MYOM1: variants seen among roughly 807,000 people sequenced by gnomAD.
The protein encoded by MYOM1 is myomesin 1, also known as myomesin-1.
Under a neutral mutation model 205.3 loss-of-function variants are expected in MYOM1, and 164 were observed. That is an observed-to-expected ratio of 0.80 (90% CI 0.70 to 0.91). The LOEUF is 0.91. Ranked by LOEUF, MYOM1 falls within the 40% of genes least tolerant of loss-of-function variation. The pLI is 0.00. For synonymous variants in MYOM1, 772 were observed against 789.4 expected (o/e 0.98, Z 0.37); for missense variants, 2,011 against 2,127.3 (o/e 0.95, Z 1.08).
intron 13 of MYOM1, among the ~76,000 whole-genome samples, chr18:3,148,874 A>G (rs1359386251): frequency 3.0e-5 from 4 of 134,164 alleles, no homozygotes; most frequent in African/African-American, 5.7e-5. Context: ...AAAAAAAAAG[A>G]AAATGGTGAT....
Position 3,215,073 on chromosome 18 carries a change from A to AGGAGCGGCTGCTGTAGGCCGT in MYOM1, c.130_150dup (p.Thr44_Ser50dup). ...TCGGACTCCCGGCGGTGCGCGGCGG[A>AGGAGCGGCTGCTGTAGGCCGT]GGAGCGGCTGCTGTAGGCCGTGGAG... On this transcript the variant is annotated inframe_insertion, in exon 2 of 38. Coordinates refer to ENST00000356443, the MANE Select transcript of MYOM1 (RefSeq NM_003803.4). 6.2e-7 allele frequency: 1 copy of AGGAGCGGCTGCTGTAGGCCGT among 1,613,640 alleles called. No individual in the cohort carries two copies. The highest frequency in any genetic ancestry group is 1.7e-5 in the Admixed American group (1 of 60,010).
intron 31 of MYOM1, 89 bp from the exon 32 acceptor site, chr18:3,084,116 T>G (rs954356044): frequency 7.1e-5 from 99 of 1,400,086 alleles, no homozygotes; most frequent in Non-Finnish European, 9.8e-5. Flanking sequence ...AAAAATTCCC[T>G]TTCTGGTTGA....
intron 5 of MYOM1, among the ~76,000 whole-genome samples, chr18:3,184,668 T>C (rs1184516975): frequency 6.6e-6 from 1 of 152,244 alleles, no homozygotes; most frequent in Non-Finnish European, 1.5e-5. Flanking sequence ...TTTGTTTTAA[T>C]ATTTATTTTC....
In MYOM1 at chr18:3,166,364, G is replaced by A. The variant is rs370285521; in HGVS notation, c.1340-1925C>T. Reference sequence around the variant, plus strand: ...CAGCTCATTGCAACCTCCGCCTCCCGGGTTCAAGCGATTATAGTGCCTCAG... The same window carrying A: ...CAGCTCATTGCAACCTCCGCCTCCCAGGTTCAAGCGATTATAGTGCCTCAG... On this transcript the variant is annotated intron_variant, in intron 9 of 37. Coordinates refer to ENST00000356443, the MANE Select transcript of MYOM1 (RefSeq NM_003803.4). Among the ~76,000 whole-genome samples, 135 of 150,128 alleles carry A rather than the reference G, an allele frequency of 9.0e-4. 1 individual carries two copies. In the South Asian group the frequency reaches 0.024, roughly 27 times the overall value.
the MYOM1 span, among the ~76,000 whole-genome samples, chr18:3,239,249 G>C: frequency 2.6e-5 from 4 of 152,186 alleles, no homozygotes; most frequent in Non-Finnish European, 5.9e-5. Flanking sequence ...GCTTTCTATA[G>C]GAGCAAGGAG....
intron 1 of MYOM1, chr18:3,216,916 G>C (rs2081274891): frequency 6.6e-6 from 1 of 152,132 alleles, no homozygotes; most frequent in Admixed American, 6.5e-5. Flanking sequence ...TTGGAGATAG[G>C]GTCCTTAAAG....
At chr18:3,244,685 G>C in the MYOM1 span, among the ~76,000 whole-genome samples, 18 of 151,350 alleles carry the variant, frequency 1.2e-4, no homozygotes, top group African/African-American at 4.1e-4. Flanking sequence ...GAGGTCAGGA[G>C]TTGGCAACCA....
At position 3,189,188 on chromosome 18, in the gene MYOM1, T is replaced by C; in HGVS notation, c.432-101A>G. ...GTACCACATCTCAGACACTGTATCCTGCACCAAAAGAAAATCCGACATAGA... is the reference window on the plus strand; with the variant it reads ...GTACCACATCTCAGACACTGTATCCCGCACCAAAAGAAAATCCGACATAGA... On this transcript the variant is annotated intron_variant, in intron 3 of 37. Coordinates refer to ENST00000356443, the MANE Select transcript of MYOM1 (RefSeq NM_003803.4). This position sits in a 1 kb window ranked among gnomAD's most constrained non-coding sequence, Gnocchi z 4.8. The C allele has an allele frequency of 9.0e-7, 1 of 1,113,932 alleles. No individual in the cohort carries two copies. The highest frequency in any genetic ancestry group is 1.6e-5 in the South Asian group (1 of 61,454). The allele number at this position is 1,113,932 out of a possible 1,614,324, so 69.0% of individuals were successfully genotyped here.
intron 22 of MYOM1, among the ~76,000 whole-genome samples, chr18:3,108,219 T>A (rs1430697897): frequency 6.6e-6 from 1 of 152,182 alleles, no homozygotes; most frequent in African/African-American, 2.4e-5. Context: ...TCAATTAAAT[T>A]CTCAACTGCA....
chr18:3,149,264 G>A (rs1306586479), intron 12 of MYOM1, 63 bp from the exon 13 acceptor site: 4 of 1,390,146 alleles, frequency 2.9e-6, no homozygotes, highest in East Asian at 4.6e-5. Flanking sequence ...CAGCTGCACT[G>A]ATGAATTGGG....
In MYOM1 at chr18:3,120,062, G is replaced by A. The variant is rs6506068; in HGVS notation, c.2992-67C>T. The A allele has an allele frequency of 0.8, 1,207,388 of 1,506,420 alleles. 484,988 individuals carry two copies. The highest frequency in any genetic ancestry group is 0.95 in the East Asian group (38,752 of 40,656). 93.3% of individuals were successfully genotyped at this position (1,506,420 alleles called of 1,614,324 possible). ...TTGTTTTTTTTTTTCTACTTGTTGA[G>A]CATTTTATTTATTTACCTTCCATGT... On this transcript the variant is annotated intron_variant, in intron 19 of 37. Coordinates refer to ENST00000356443, the MANE Select transcript of MYOM1 (RefSeq NM_003803.4).
chr18:3,205,847 T>C (rs1329920811), intron 2 of MYOM1, among the ~76,000 whole-genome samples: 1 of 152,160 alleles, frequency 6.6e-6, no homozygotes, highest in Non-Finnish European at 1.5e-5. Flanking sequence ...CTGTAGCAAT[T>C]TCATTTATTT....
At chr18:3,221,763 G>A (rs2081332530), upstream of MYOM1, among the ~76,000 whole-genome samples, 1 of 152,194 alleles carries the variant, frequency 6.6e-6, no homozygotes, top group Admixed American at 6.5e-5. Context: ...TCTGATCCAG[G>A]TACCTGTGAA....
At chr18:3,231,235 T>C in the MYOM1 span, among the ~76,000 whole-genome samples, 1 of 151,930 alleles carries the variant, frequency 6.6e-6, no homozygotes, top group Admixed American at 6.6e-5. Context: ...AAAGACTGAG[T>C]GTCAATACAC....
the MYOM1 span, among the ~76,000 whole-genome samples, chr18:3,242,215 T>G: frequency 1.3e-5 from 2 of 152,156 alleles, no homozygotes; most frequent in Non-Finnish European, 2.9e-5. Context: ...GGATACGGCT[T>G]GGCTCTGTGT....
chr18:3,147,807 G>C (rs747183750), intron 13 of MYOM1, among the ~76,000 whole-genome samples: 1 of 152,130 alleles, frequency 6.6e-6, no homozygotes, highest in Non-Finnish European at 1.5e-5. Context: ...AAGTATGAAC[G>C]ATAGTAATAA....
intron 29 of MYOM1, among the ~76,000 whole-genome samples, chr18:3,087,538 G>A (rs1333544925): frequency 1.3e-5 from 2 of 148,496 alleles, no homozygotes; most frequent in East Asian, 3.9e-4. Flanking sequence ...CACCCAGGCT[G>A]GAGTGCAGTG....
the MYOM1 span, among the ~76,000 whole-genome samples, chr18:3,228,352 C>T: frequency 1.3e-5 from 2 of 152,194 alleles, no homozygotes; most frequent in Non-Finnish European, 2.9e-5. This position sits in a 1 kb window ranked among gnomAD's most constrained non-coding sequence, Gnocchi z 4.5. Context: ...GACACTTACT[C>T]TGTCTTCAAA....
In MYOM1 at chr18:3,116,351, T is replaced by C. The variant is rs201308522; in HGVS notation, c.3283A>G (p.Ile1095Val). 1.4e-5 allele frequency: 22 copies of C among 1,611,760 alleles called. No homozygotes were observed. The highest frequency in any genetic ancestry group is 1.5e-5 in the Non-Finnish European group (18 of 1,179,662). ...CTTACCTTCAGGTATACGTTTTTAA[T>C]AGCCGCCTCATTGAGCCCTCGCCAC... ...DQWRGLNEAA[I>V]KNVYLKVRGL... Residue 1095 changes from isoleucine (I) to valine (V), a missense_variant, in exon 21 of 38, where the codon ATT becomes GTT. Coordinates refer to ENST00000356443, the MANE Select transcript of MYOM1 (RefSeq NM_003803.4).
Sources: gnomAD v4.1 joint callset for allele counts (sites outside exome capture counted in the v4.1 genomes callset) on GRCh38, gnomAD v4.1.1 for gene constraint, Gnocchi (gnomAD v3.1) non-coding constraint, MANE v1.5 for transcripts, NCBI Gene and HGNC (gene_info 2026-07-23, HGNC 2026-07-21) for gene names.